ATIC: variants seen among roughly 807,000 people sequenced by gnomAD.
The protein encoded by ATIC is bifunctional purine biosynthesis protein ATIC.
A neutral mutation model predicts 72.5 loss-of-function variants in ATIC; 64 were observed. The ratio of observed to expected loss-of-function variants is 0.88; its 90% CI spans 0.72 to 1.09. ATIC has a LOEUF of 1.09. Among genes scored for constraint, ATIC ranks in the 50% least tolerant of loss-of-function variants. The probability of loss-of-function intolerance (pLI) is 0.00; values close to 1 mark genes in which losing one functional copy is unlikely to be tolerated. For synonymous variants in ATIC, 281 were observed against 267.1 expected, an observed-to-expected ratio of 1.05 and a Z score of -0.51; for missense variants, 787 against 732.4, an observed-to-expected ratio of 1.07 and a Z score of -0.86.
Position 215,349,589 on chromosome 2 carries a change from G to A in ATIC, c.1713G>A (p.Val571=), listed in dbSNP as rs769350556. ...CCGGTTCTGCTGCTGACAAAGTTGT[G>A]ATTGAGGCCTGCGACGAACTGGGAA... ...APSGSAADKV[V]IEACDELGII... Residue 571 remains valine (V), a synonymous_variant, in exon 16 of 16, where the codon GTG becomes GTA. Coordinates refer to ENST00000236959, the MANE Select transcript of ATIC (RefSeq NM_004044.7). The A allele has an allele frequency of 2.2e-5, 36 of 1,614,076 alleles. No homozygotes were observed. The highest frequency in any genetic ancestry group is 8.5e-7 in the Non-Finnish European group (1 of 1,180,048).
At chr2:215,319,592 C>A in intron 3 of ATIC, 73 bp from the exon 4 acceptor site, 3 of 1,094,194 alleles carry the variant, frequency 2.7e-6, no homozygotes, top group Non-Finnish European at 4.2e-6. Flanking sequence ...ATTGAAGACA[C>A]TATGTTGAAA....
chr2:215,313,963 G>A (rs1053388409), intron 2 of ATIC, among the ~76,000 whole-genome samples: 4 of 152,046 alleles, frequency 2.6e-5, no homozygotes, highest in Admixed American at 6.6e-5. Flanking sequence ...TGGAACCTTC[G>A]TAAAGCAAAA....
chr2:215,331,407 A>T, intron 7 of ATIC, among the ~76,000 whole-genome samples: 1 of 127,518 alleles, frequency 7.8e-6, no homozygotes. Flanking sequence ...TTTGAGACGG[A>T]GTCTCGCTCT....
chr2:215,366,888 A>G, the ATIC span, among the ~76,000 whole-genome samples: 2 of 152,244 alleles, frequency 1.3e-5, no homozygotes, highest in African/African-American at 4.8e-5. Flanking sequence ...TAAAATTTCC[A>G]GCTCCTAAAC....
At chr2:215,325,786 G>A (rs2052816967) in intron 5 of ATIC, among the ~76,000 whole-genome samples, 1 of 151,900 alleles carries the variant, frequency 6.6e-6, no homozygotes, top group Non-Finnish European at 1.5e-5. Flanking sequence ...GAGTGGTCTC[G>A]AACTCCTGAC....
At chr2:215,315,158 G>A (rs1041009102) in intron 2 of ATIC, among the ~76,000 whole-genome samples, 2 of 152,138 alleles carry the variant, frequency 1.3e-5, no homozygotes, top group Non-Finnish European at 2.9e-5. Flanking sequence ...CTACTAATGG[G>A]CAAGGAGATG....
intron 12 of ATIC, among the ~76,000 whole-genome samples, chr2:215,339,934 C>A (rs1477621021): frequency 4.0e-5 from 6 of 151,848 alleles, no homozygotes; most frequent in Non-Finnish European, 7.4e-5. Context: ...CCATGCCCAG[C>A]CTTTATTATT....
chr2:215,358,084 T>C, the ATIC span, among the ~76,000 whole-genome samples: 2 of 152,230 alleles, frequency 1.3e-5, no homozygotes, highest in African/African-American at 4.8e-5. Flanking sequence ...CCTGTACTTG[T>C]AATTTCCCCC....
intron 7 of ATIC, among the ~76,000 whole-genome samples, chr2:215,331,768 A>G (rs2052897441): frequency 6.6e-6 from 1 of 152,114 alleles, no homozygotes; most frequent in African/African-American, 2.4e-5. Context: ...ACTAGCTCCT[A>G]AAAAAATCTG....
intron 7 of ATIC, among the ~76,000 whole-genome samples, chr2:215,331,543 C>G (rs1372565200): frequency 6.6e-6 from 1 of 151,972 alleles, no homozygotes; most frequent in Admixed American, 6.6e-5. Context: ...CCACCACACC[C>G]AGCTAATTTT....
At chr2:215,358,504 T>C in the ATIC span, among the ~76,000 whole-genome samples, 1,294 of 152,316 alleles carry the variant, frequency 8.5e-3, 21 homozygotes, top group African/African-American at 0.03. Flanking sequence ...AGCTGGGAGC[T>C]TATCAAGCCA....
At chr2:215,318,824 T>C (rs931645738) in intron 3 of ATIC, among the ~76,000 whole-genome samples, 1 of 152,252 alleles carries the variant, frequency 6.6e-6, no homozygotes, top group Middle Eastern at 3.4e-3. Context: ...CTTTTTTACA[T>C]TTTATTGCTC....
chr2:215,341,034 A>G (rs2106033070), intron 12 of ATIC, among the ~76,000 whole-genome samples: 1 of 152,314 alleles, frequency 6.6e-6, no homozygotes, highest in South Asian at 2.1e-4. Flanking sequence ...GCTTGCTCCC[A>G]GGTCTGAATC....
In ATIC at chr2:215,344,901, G is replaced by A. The variant is rs761507389; in HGVS notation, c.1320+30G>A. On this transcript the variant is annotated intron_variant, in intron 13 of 15. Coordinates refer to ENST00000236959, the MANE Select transcript of ATIC (RefSeq NM_004044.7). ...GTGGGCTGTTGGACTCGCCTTCGGG[G>A]GACTGTTGTTTTACGAAATGATATT... is the stretch of plus-strand genomic sequence containing the variant. The A allele has an allele frequency of 2.5e-4, 403 of 1,593,344 alleles. 1 individual carries two copies. Among genetic ancestry groups the A allele is most frequent in the Admixed American group, 4.7e-4 (28 of 59,858 alleles).
the ATIC span, chr2:215,362,079 C>T: frequency 1.9e-6 from 3 of 1,612,614 alleles, no homozygotes; most frequent in East Asian, 2.2e-5. Context: ...CAGCGCCAGC[C>T]CTGAGAGAGT....
Position 215,349,614 on chromosome 2 carries a change from ATCATCC to A in ATIC, c.1741_1746del (p.Ile581_Leu582del). On this transcript the variant is annotated inframe_deletion, in exon 16 of 16. Coordinates refer to ENST00000236959, the MANE Select transcript of ATIC (RefSeq NM_004044.7). ...GATTGAGGCCTGCGACGAACTGGGA[ATCATCC>A]TCGCTCATACGAACCTTCGGCTCTT... 6.2e-7 allele frequency: 1 copy of A among 1,614,128 alleles called. No individual in the cohort carries two copies. Among genetic ancestry groups the A allele is most frequent in the Non-Finnish European group, 8.5e-7 (1 of 1,180,030 alleles).
the ATIC span, chr2:215,365,809 T>TTA: frequency 8.7e-5 from 14 of 161,746 alleles, no homozygotes; most frequent in Non-Finnish European, 1.1e-4. Flanking sequence ...ACTTTTTATT[T>TTA]TTTTTTTTTT....
At chr2:215,342,661 G>T (rs994385631) in intron 12 of ATIC, among the ~76,000 whole-genome samples, 9 of 152,168 alleles carry the variant, frequency 5.9e-5, no homozygotes, top group Admixed American at 2.0e-4. Flanking sequence ...TACAGTTTTT[G>T]TGTGTTTGTG....
chr2:215,329,093 T>A (rs2052862094), intron 7 of ATIC, among the ~76,000 whole-genome samples: 1 of 152,238 alleles, frequency 6.6e-6, no homozygotes. Context: ...GAAGACTGCT[T>A]GGCACATTCC....
Sources: allele counts gnomAD v4.1 joint callset (sites outside exome capture counted in the v4.1 genomes callset), GRCh38; gene constraint gnomAD v4.1.1; transcripts MANE v1.5; gene names NCBI Gene and HGNC (gene_info 2026-07-23, HGNC 2026-07-21).